The following EXOC4 variants were observed in gnomAD, a reference collection of about 807,000 sequenced individuals.
The protein encoded by EXOC4 is SEC8-like 1.
EXOC4 carries 71 observed loss-of-function variants against 107.2 expected under a neutral mutation model. That is an observed-to-expected ratio of 0.66 (90% CI 0.55 to 0.81). EXOC4 has a LOEUF of 0.81. EXOC4 is among the 30% of genes least tolerant of loss of function. EXOC4 has a pLI of 0.00. For synonymous variants in EXOC4, 456 were observed against 441.2 expected (o/e 1.03, Z -0.42); for missense variants, 1,108 against 1,189.6 (o/e 0.93, Z 1.01).
At chr7:133,991,353 C>A (rs1051566830) in intron 14 of EXOC4, among the ~76,000 whole-genome samples, 1 of 151,954 alleles carries the variant, frequency 6.6e-6, no homozygotes, top group South Asian at 2.1e-4. Flanking sequence ...TTATTCATCC[C>A]TTGCCAGGTA....
intron 10 of EXOC4, among the ~76,000 whole-genome samples, chr7:133,734,447 TC>T (rs1322035456): frequency 6.6e-6 from 1 of 151,678 alleles, no homozygotes; most frequent in African/African-American, 2.4e-5. Flanking sequence ...TTTTTTTTTT[TC>T]GAGATGGTTA....
chr7:133,854,831 G>A (rs1278113222), intron 11 of EXOC4, among the ~76,000 whole-genome samples: 1 of 148,440 alleles, frequency 6.7e-6, no homozygotes, highest in Non-Finnish European at 1.5e-5. Flanking sequence ...AAACTTGCCT[G>A]TTGGCATTAA....
intron 11 of EXOC4, among the ~76,000 whole-genome samples, chr7:133,868,207 G>A (rs1323457375): frequency 6.6e-6 from 1 of 151,988 alleles, no homozygotes; most frequent in East Asian, 1.9e-4. Context: ...GATTTGGCTG[G>A]GCCATTTATT....
chr7:133,607,967 T>A (rs1006122233), intron 9 of EXOC4, among the ~76,000 whole-genome samples: 1 of 152,256 alleles, frequency 6.6e-6, no homozygotes, highest in African/African-American at 2.4e-5. Flanking sequence ...AAGTCATTTT[T>A]AAGTCATCCT....
At chr7:133,723,729 A>G (rs1228579093) in intron 10 of EXOC4, among the ~76,000 whole-genome samples, 1 of 152,038 alleles carries the variant, frequency 6.6e-6, no homozygotes, top group African/African-American at 2.4e-5. Flanking sequence ...GGCCTCGGGT[A>G]AGGTACATGC....
intron 10 of EXOC4, among the ~76,000 whole-genome samples, chr7:133,654,206 A>G (rs1263471273): frequency 6.6e-6 from 1 of 152,148 alleles, no homozygotes; most frequent in African/African-American, 2.4e-5. Context: ...TTAAAGGAGG[A>G]CCTTAAATTC....
At chr7:133,591,682 T>A (rs112168924) in intron 9 of EXOC4, among the ~76,000 whole-genome samples, 1 of 152,160 alleles carries the variant, frequency 6.6e-6, no homozygotes, top group African/African-American at 2.4e-5. Flanking sequence ...AAGTGGCCGA[T>A]ATGAATTTGT....
intron 9 of EXOC4, among the ~76,000 whole-genome samples, chr7:133,546,239 T>C (rs1385604186): frequency 6.7e-6 from 1 of 149,278 alleles, no homozygotes; most frequent in Non-Finnish European, 1.5e-5. Context: ...ACCCTTTTTA[T>C]AATAGCTGGA....
At chr7:133,402,967 C>T (rs984818514) in intron 7 of EXOC4, among the ~76,000 whole-genome samples, 1 of 151,140 alleles carries the variant, frequency 6.6e-6, no homozygotes, top group Non-Finnish European at 1.5e-5. Context: ...TCACTGCAAC[C>T]TCTGACTCCC....
intron 14 of EXOC4, among the ~76,000 whole-genome samples, chr7:133,971,101 G>A (rs1363229944): frequency 6.6e-6 from 1 of 151,808 alleles, no homozygotes; most frequent in African/African-American, 2.4e-5. Context: ...ACCATTATGT[G>A]CATCAGAGGC....
At chr7:133,996,634 A>G (rs933033070) in intron 14 of EXOC4, among the ~76,000 whole-genome samples, 2 of 152,104 alleles carry the variant, frequency 1.3e-5, no homozygotes, top group African/African-American at 2.4e-5. Flanking sequence ...TTGAAGTGGA[A>G]TACAGCACAC....
chr7:133,451,400 T>C (rs1798343885), intron 7 of EXOC4, among the ~76,000 whole-genome samples: 1 of 152,122 alleles, frequency 6.6e-6, no homozygotes, highest in South Asian at 2.1e-4. Flanking sequence ...TTTGATCTTA[T>C]TTTCTTTAGC....
At chr7:133,845,857 C>A (rs1027425788) in intron 11 of EXOC4, among the ~76,000 whole-genome samples, 1 of 152,154 alleles carries the variant, frequency 6.6e-6, no homozygotes, top group Non-Finnish European at 1.5e-5. Flanking sequence ...ACTGATAGCA[C>A]ACTCTCCTTT....
chr7:133,667,557 G>A (rs994708387), intron 10 of EXOC4, among the ~76,000 whole-genome samples: 4 of 152,192 alleles, frequency 2.6e-5, no homozygotes, highest in African/African-American at 9.7e-5. Flanking sequence ...CCTAAGCCCT[G>A]TGCAGTGTAT....
At chr7:133,634,211 G>A (rs1251262110) in intron 10 of EXOC4, among the ~76,000 whole-genome samples, 1 of 152,126 alleles carries the variant, frequency 6.6e-6, no homozygotes, top group Non-Finnish European at 1.5e-5. Context: ...AGCTACTGCA[G>A]TTCCATCACT....
chr7:133,438,506 C>T (rs1412102963), intron 7 of EXOC4, among the ~76,000 whole-genome samples: 1 of 152,074 alleles, frequency 6.6e-6, no homozygotes, highest in African/African-American at 2.4e-5. Flanking sequence ...ATCTAATATA[C>T]TCTGGTTTCA....
chr7:133,899,634 A>G (rs1262421013), intron 12 of EXOC4, among the ~76,000 whole-genome samples: 1 of 151,616 alleles, frequency 6.6e-6, no homozygotes. Flanking sequence ...AGTTTCTGGT[A>G]TGCCCTGGTC....
Position 134,022,018 on chromosome 7 carries a change from GC to G in EXOC4, c.2687+14186del, listed in dbSNP as rs761928436. ...TATATTTGACCAGAAATTAATTACA[GC>G]CCAGTTCCCCATTTCTCCCTTAGGT... is the stretch of plus-strand genomic sequence containing the variant. On this transcript the variant is annotated intron_variant, in intron 17 of 17. Coordinates refer to ENST00000253861, the MANE Select transcript of EXOC4 (RefSeq NM_021807.4). Among the ~76,000 whole-genome samples the G allele has an allele frequency of 2.0e-5, 3 of 152,172 alleles. 1 individual carries two copies. In the East Asian group the frequency reaches 5.8e-4, roughly 29 times the overall value.
chr7:133,945,377 T>C (rs1257405090), intron 14 of EXOC4, among the ~76,000 whole-genome samples: 1 of 152,238 alleles, frequency 6.6e-6, no homozygotes, highest in African/African-American at 2.4e-5. Flanking sequence ...GTAATTATTT[T>C]GCCAGTTCTT....
Sources: gnomAD v4.1 joint callset for allele counts (sites outside exome capture counted in the v4.1 genomes callset) on GRCh38, gnomAD v4.1.1 for gene constraint, MANE v1.5 for transcripts, NCBI Gene and HGNC (gene_info 2026-07-23, HGNC 2026-07-21) for gene names.